The following OR52L1 variants were observed in gnomAD, a reference collection of about 807,000 sequenced individuals.
OR52L1 encodes olfactory receptor 52L1.
In OR52L1, 15 loss-of-function variants were observed where a neutral mutation model predicts 16.1. That is an observed-to-expected ratio of 0.93 (90% CI 0.62 to 1.44). OR52L1 has a LOEUF of 1.44. OR52L1 is among the 40% of genes most tolerant of loss of function. The pLI, the probability that OR52L1 is intolerant of heterozygous loss-of-function variation, is 0.00. For missense variants in OR52L1, 406 were observed against 402.3 expected (o/e 1.01, Z -0.08); for synonymous variants, 166 against 159.2 (o/e 1.04, Z -0.32).
rs1291617854 is a variant in OR52L1, at chr11:5,985,963, C to G, written c.968G>C (p.Arg323Thr). 4 of 1,609,164 alleles carry G rather than the reference C, an allele frequency of 2.5e-6. No individual in the cohort carries two copies. Among genetic ancestry groups the G allele is most frequent in the Non-Finnish European group, 3.4e-6 (4 of 1,177,528 alleles). ...KTQQIRQRVL[R>T]VFTQKD Reference sequence around the variant, plus strand: ...AGATCAATCCTTTTGTGTAAACACTCTGAGCACTCGCTGGCGGATCTGCTG... The same window carrying G: ...AGATCAATCCTTTTGTGTAAACACTGTGAGCACTCGCTGGCGGATCTGCTG... Residue 323 changes from arginine to threonine, a missense_variant, in exon 1 of 1, where the codon AGA becomes ACA. By Grantham distance (71) the Arg-to-Thr change is moderately conservative (BLOSUM62 -1). Transcript: ENST00000332249.
rs753509878 is a variant in OR52L1 at position 5,985,983 on chromosome 11, C to A, written c.948G>T (p.Gln316His). 3 of 1,612,040 alleles carry A rather than the reference C, an allele frequency of 1.9e-6. No homozygotes were observed. Among genetic ancestry groups the A allele is most frequent in the South Asian group, 1.1e-5 (1 of 90,698 alleles). Reference sequence around the variant, plus strand: ...ACACTCTGAGCACTCGCTGGCGGATCTGCTGAGTCTTCACTCCATAGACAA... The same window carrying A: ...ACACTCTGAGCACTCGCTGGCGGATATGCTGAGTCTTCACTCCATAGACAA... ...NPLVYGVKTQ[Q>H]IRQRVLRVFT... Residue 316 changes from glutamine to histidine, a missense_variant, in exon 1 of 1, where the codon CAG (glutamine) becomes CAT (histidine). Coordinates refer to ENST00000332249, the MANE Select transcript of OR52L1 (RefSeq NM_001005173.3).
At position 5,986,298 on chromosome 11, in the gene OR52L1, T is replaced by C. The variant is rs1848115459; in HGVS notation, c.633A>G (p.Thr211=). 1 of 1,613,826 alleles carries C rather than the reference T, an allele frequency of 6.2e-7. No homozygotes were observed. Among genetic ancestry groups the C allele is most frequent in the Admixed American group, 1.7e-5 (1 of 60,000 alleles). ...TAGTCAGCCCATAAGCTCGATTGACTGTGGTTTCTGAGCAGGCAAGTTTCA... is the reference window on the plus strand; with the variant it reads ...TAGTCAGCCCATAAGCTCGATTGACCGTGGTTTCTGAGCAGGCAAGTTTCA... ...AVVKLACSET[T]VNRAYGLTMA... is the part of the protein sequence containing the mutation. The change falls in exon 1 of 1, where the codon ACA becomes ACG. Residue 211 remains threonine, a synonymous_variant. Coordinates refer to ENST00000332249, the MANE Select transcript of OR52L1 (RefSeq NM_001005173.3).
In OR52L1 at chr11:5,986,362, G is replaced by A; in HGVS notation, c.569C>T (p.Thr190Ile). 2 of 1,613,994 alleles carry A rather than the reference G, an allele frequency of 1.2e-6. No individual in the cohort carries two copies. Among genetic ancestry groups the A allele is most frequent in the South Asian group, 1.1e-5 (1 of 91,084 alleles). ...LLGTLIFCQA[T>I]IIGHAYCEHM... ...TTCACAATAGGCATGGCCTATGATGGTGGCTTGGCAGAAGATAAGTGTTCC... is the reference window on the plus strand; with the variant it reads ...TTCACAATAGGCATGGCCTATGATGATGGCTTGGCAGAAGATAAGTGTTCC... Residue 190 changes from threonine (T) to isoleucine (I), a missense_variant, in exon 1 of 1, where the codon ACC (threonine) becomes ATC (isoleucine). Coordinates refer to ENST00000332249, the MANE Select transcript of OR52L1 (RefSeq NM_001005173.3).
In OR52L1 at chr11:5,986,926, G is replaced by T. The variant is rs147074816; in HGVS notation, c.5C>A (p.Thr2Asn). M[T>N]LVSFFSFLSK... Reference sequence around the variant, plus strand: ...GAGGAAAGAGAAAAAAGAAACCAAAGTCATGATTTCTGCATTCCTGCTACA... The same window carrying T: ...GAGGAAAGAGAAAAAAGAAACCAAATTCATGATTTCTGCATTCCTGCTACA... Residue 2 changes from threonine (T) to asparagine (N), a missense_variant, in exon 1 of 1, where the codon ACT becomes AAT. Thr to Asn is a moderately conservative substitution (Grantham distance 65, BLOSUM62 0). Coordinates refer to ENST00000332249, the MANE Select transcript of OR52L1 (RefSeq NM_001005173.3). 5.7e-4 allele frequency: 924 copies of T among 1,611,900 alleles called. 7 individuals carry two copies. The African/African-American group carries it at 0.011, about 18-fold the overall frequency.
chr11:5,986,185 C>T lies in OR52L1; in HGVS notation c.746G>A (p.Ser249Asn), dbSNP rs774070855. The T allele has an allele frequency of 1.2e-6, 2 of 1,613,858 alleles. No individual in the cohort carries two copies. The highest frequency in any genetic ancestry group is 1.7e-5 in the Admixed American group (1 of 60,016). Residue 249 changes from serine (S) to asparagine (N), a missense_variant, in exon 1 of 1, where the codon AGT (serine) becomes AAT (asparagine). Coordinates refer to ENST00000332249, the MANE Select transcript of OR52L1 (RefSeq NM_001005173.3). ...GCTAAACGCCTTAAGTCGGGCCTCACTCCCTGGTACCTTCAGCACTGCCTG... is the reference window on the plus strand; with the variant it reads ...GCTAAACGCCTTAAGTCGGGCCTCATTCCCTGGTACCTTCAGCACTGCCTG... ...ILQAVLKVPGSEARLKAFSTC... is the reference protein window; with the variant it reads ...ILQAVLKVPGNEARLKAFSTC...
chr11:5,986,149 G>C lies in OR52L1; in HGVS notation c.782C>G (p.Ser261Cys). The change falls in exon 1 of 1, where the codon TCT becomes TGT. Residue 261 changes from serine (S) to cysteine (C), a missense_variant. Coordinates refer to ENST00000332249, the MANE Select transcript of OR52L1 (RefSeq NM_001005173.3). ...ARLKAFSTCG[S>C]HICVILVFYV... Reference sequence around the variant, plus strand: ...GAAGACCAGGATGACACAAATATGAGAGCCACATGTGCTAAACGCCTTAAG... The same window carrying C: ...GAAGACCAGGATGACACAAATATGACAGCCACATGTGCTAAACGCCTTAAG... 6.2e-7 allele frequency: 1 copy of C among 1,613,960 alleles called. No homozygotes were observed. Among genetic ancestry groups the C allele is most frequent in the South Asian group, 1.1e-5 (1 of 91,078 alleles).
Position 5,986,648 on chromosome 11 carries a change from T to A in OR52L1, c.283A>T (p.Thr95Ser). The change falls in exon 1 of 1, where the codon ACT (threonine) becomes TCT (serine). Residue 95 changes from threonine (T) to serine (S), a missense_variant. Physicochemically the swap from Thr to Ser is moderately conservative, Grantham distance 58. Coordinates refer to ENST00000332249, the MANE Select transcript of OR52L1 (RefSeq NM_001005173.3). ...AAIDLVLASS[T>S]APKALAVLLV... Reference sequence around the variant, plus strand: ...AGCACTGCAAGGGCTTTGGGTGCAGTGGAGGAGGCCAGAACCAGGTCGATG... The same window carrying A: ...AGCACTGCAAGGGCTTTGGGTGCAGAGGAGGAGGCCAGAACCAGGTCGATG... The A allele has an allele frequency of 6.2e-7, 1 of 1,613,852 alleles. No individual in the cohort carries two copies. The highest frequency in any genetic ancestry group is 8.5e-7 in the Non-Finnish European group (1 of 1,179,850).
In OR52L1 at chr11:5,986,820, A is replaced by G. The variant is rs61738944; in HGVS notation, c.111T>C (p.Gly37=). The part of the protein sequence containing the change: ...QPSFLLVGIP[G]LEESQHWIAL... ...CAATCCAGTGCTGGCTTTCCTCTAAACCTGGAATCCCTACCAGGAGAAAAG... is the reference window on the plus strand; with the variant it reads ...CAATCCAGTGCTGGCTTTCCTCTAAGCCTGGAATCCCTACCAGGAGAAAAG... Residue 37 remains glycine, a synonymous_variant, in exon 1 of 1, where the codon GGT becomes GGC. Coordinates refer to ENST00000332249, the MANE Select transcript of OR52L1 (RefSeq NM_001005173.3). 0.034 allele frequency: 54,150 copies of G among 1,613,950 alleles called. 1,119 individuals are homozygous for G. Among genetic ancestry groups the G allele is most frequent in the Middle Eastern group, 0.051 (310 of 6,062 alleles).
rs768043378 is a variant in OR52L1, at chr11:5,986,479, G to T, written c.452C>A (p.Ser151Tyr). 1.2e-6 allele frequency: 2 copies of T among 1,613,900 alleles called. No individual in the cohort carries two copies. The highest frequency in any genetic ancestry group is 1.1e-5 in the South Asian group (1 of 91,082). The change falls in exon 1 of 1, where the codon TCC (serine) becomes TAC (tyrosine). Residue 151 changes from serine (S) to tyrosine (Y), a missense_variant. Transcript: ENST00000332249. ...YVAICHPLHHSTILHPGVIGR... is the reference protein window; with the variant it reads ...YVAICHPLHHYTILHPGVIGR... Reference sequence around the variant, plus strand: ...TATGACCCCTGGATGCAGGATTGTGGAATGGTGCAAGGGGTGACAAATGGC... The same window carrying T: ...TATGACCCCTGGATGCAGGATTGTGTAATGGTGCAAGGGGTGACAAATGGC...
In OR52L1 at chr11:5,986,956, C is replaced by G; in HGVS notation, c.-26G>C. On this transcript the variant is annotated 5_prime_UTR_variant, in exon 1 of 1. The change abolishes the stop of an existing upstream ORF in the 5' untranslated region. Transcript: ENST00000332249. ...GATTTCTGCATTCCTGCTACATTAT[C>G]ACATTGTCCAAATGGGGCAACCATC... 6.2e-7 allele frequency: 1 copy of G among 1,602,540 alleles called. No individual in the cohort carries two copies. Among genetic ancestry groups the G allele is most frequent in the Non-Finnish European group, 8.5e-7 (1 of 1,175,044 alleles).
Position 5,986,412 on chromosome 11 carries a change from G to A in OR52L1, c.519C>T (p.Leu173=), listed in dbSNP as rs1325409441. The part of the protein sequence containing the change: ...GMVVLVRGLL[L]LIPFPILLGT... ...CCAACAAAATGGGGAAGGGGATAAG[G>A]AGTAGTAATCCCCTCACCAGCACCA... Residue 173 remains leucine, a synonymous_variant, in exon 1 of 1, where the codon CTC becomes CTT. Coordinates refer to ENST00000332249, the MANE Select transcript of OR52L1 (RefSeq NM_001005173.3). 4 of 1,613,556 alleles carry A rather than the reference G, an allele frequency of 2.5e-6. No homozygotes were observed. Among genetic ancestry groups the A allele is most frequent in the Admixed American group, 1.7e-5 (1 of 60,006 alleles).
At position 5,986,391 on chromosome 11, in the gene OR52L1, C is replaced by A; in HGVS notation, c.540G>T (p.Leu180Phe). ...GLLLLIPFPI[L>F]LGTLIFCQAT... ...CTTGGCAGAAGATAAGTGTTCCCAA[C>A]AAAATGGGGAAGGGGATAAGGAGTA... The change falls in exon 1 of 1, where the codon TTG (leucine) becomes TTT (phenylalanine). Residue 180 changes from leucine (L) to phenylalanine (F), a missense_variant. By Grantham distance (22) the Leu-to-Phe change is conservative. Transcript: ENST00000332249. 1 of 1,613,946 alleles carries A rather than the reference C, an allele frequency of 6.2e-7. No individual in the cohort carries two copies. Among genetic ancestry groups the A allele is most frequent in the South Asian group, 1.1e-5 (1 of 91,084 alleles).
chr11:5,986,895 C>T lies in OR52L1; in HGVS notation c.36G>A (p.Lys12=). ...AATTGCTAAGGAGCATTATCAATGGCTTGGAGAGGAAAGAGAAAAAAGAAA... is the reference window on the plus strand; with the variant it reads ...AATTGCTAAGGAGCATTATCAATGGTTTGGAGAGGAAAGAGAAAAAAGAAA... ...TLVSFFSFLS[K]PLIMLLSNSS... is the part of the protein sequence containing the mutation. The change falls in exon 1 of 1, where the codon AAG becomes AAA. Residue 12 remains lysine, a synonymous_variant. Coordinates refer to ENST00000332249, the MANE Select transcript of OR52L1 (RefSeq NM_001005173.3). 6.2e-7 allele frequency: 1 copy of T among 1,613,536 alleles called. No individual in the cohort carries two copies. Among genetic ancestry groups the T allele is most frequent in the Non-Finnish European group, 8.5e-7 (1 of 1,179,608 alleles).
At position 5,986,625 on chromosome 11, in the gene OR52L1, C is replaced by T; in HGVS notation, c.306G>A (p.Val102=). Reference sequence around the variant, plus strand: ...CAATCTCGTGGGCATGAACCAGGAGCACTGCAAGGGCTTTGGGTGCAGTGG... The same window carrying T: ...CAATCTCGTGGGCATGAACCAGGAGTACTGCAAGGGCTTTGGGTGCAGTGG... ...ASSTAPKALA[V]LLVHAHEIGY... The change falls in exon 1 of 1, where the codon GTG becomes GTA. Residue 102 remains valine, a synonymous_variant. Coordinates refer to ENST00000332249, the MANE Select transcript of OR52L1 (RefSeq NM_001005173.3). 1 of 1,613,836 alleles carries T rather than the reference C, an allele frequency of 6.2e-7. No homozygotes were observed. The highest frequency in any genetic ancestry group is 1.7e-5 in the Admixed American group (1 of 59,998).
At position 5,986,612 on chromosome 11, in the gene OR52L1, C is replaced by A. The variant is rs777177924; in HGVS notation, c.319G>T (p.Ala107Ser). 6.2e-7 allele frequency: 1 copy of A among 1,613,902 alleles called. No individual in the cohort carries two copies. The highest frequency in any genetic ancestry group is 1.1e-5 in the South Asian group (1 of 91,062). ...CAGACGATGTACCCAATCTCGTGGGCATGAACCAGGAGCACTGCAAGGGCT... is the reference window on the plus strand; with the variant it reads ...CAGACGATGTACCCAATCTCGTGGGAATGAACCAGGAGCACTGCAAGGGCT... ...PKALAVLLVH[A>S]HEIGYIVCLI... The change falls in exon 1 of 1, where the codon GCC becomes TCC. Residue 107 changes from alanine (A) to serine (S), a missense_variant. Coordinates refer to ENST00000332249, the MANE Select transcript of OR52L1 (RefSeq NM_001005173.3).
At position 5,985,914 on chromosome 11, in the gene OR52L1, G is replaced by A. The variant is rs112071357; in HGVS notation, c.*27C>T. On this transcript the variant is annotated 3_prime_UTR_variant, in exon 1 of 1. Transcript: ENST00000332249. ...GCTGTGGTCCGCAGAAGAAGCCTCCGAAGGAAACAATGAGAATATGTTCAG... is the reference window on the plus strand; with the variant it reads ...GCTGTGGTCCGCAGAAGAAGCCTCCAAAGGAAACAATGAGAATATGTTCAG... 62,622 of 1,562,110 alleles carry A rather than the reference G, an allele frequency of 0.04. 1,399 individuals carry two copies. The highest frequency in any genetic ancestry group is 0.046 in the Non-Finnish European group (53,055 of 1,153,158).
chr11:5,985,929 A>C lies in OR52L1; in HGVS notation c.*12T>G, dbSNP rs778903508. ...AGAAGCCTCCGAAGGAAACAATGAG[A>C]ATATGTTCAGATCAATCCTTTTGTG... On this transcript the variant is annotated 3_prime_UTR_variant, in exon 1 of 1. Transcript: ENST00000332249. 4.4e-6 allele frequency: 7 copies of C among 1,591,178 alleles called. No homozygotes were observed. Among genetic ancestry groups the C allele is most frequent in the Non-Finnish European group, 6.0e-6 (7 of 1,168,306 alleles).
rs751539826 is a variant in OR52L1 at position 5,986,888 on chromosome 11, T to C, written c.43A>G (p.Ile15Val). 2 of 1,613,784 alleles carry C rather than the reference T, an allele frequency of 1.2e-6. No homozygotes were observed. The highest frequency in any genetic ancestry group is 1.7e-6 in the Non-Finnish European group (2 of 1,179,712). The change falls in exon 1 of 1, where the codon ATA becomes GTA. Residue 15 changes from isoleucine to valine, a missense_variant. By Grantham distance (29) the Ile-to-Val change is conservative. Transcript: ENST00000332249. ...CAGCTTGAATTGCTAAGGAGCATTA[T>C]CAATGGCTTGGAGAGGAAAGAGAAA... ...SFFSFLSKPL[I>V]MLLSNSSWRL... is the part of the protein sequence containing the mutation.
Position 5,986,512 on chromosome 11 carries a change from C to G in OR52L1, c.419G>C (p.Arg140Pro), listed in dbSNP as rs572706450. 2 of 1,613,770 alleles carry G rather than the reference C, an allele frequency of 1.2e-6. No individual in the cohort carries two copies. Among genetic ancestry groups the G allele is most frequent in the African/African-American group, 2.7e-5 (2 of 74,992 alleles). Residue 140 changes from arginine to proline, a missense_variant, in exon 1 of 1, where the codon CGC becomes CCC. Arg to Pro is a moderately radical substitution (Grantham distance 103). Transcript: ENST00000332249. Reference protein sequence around the residue: ...SGVLVAMALDRYVAICHPLHH... With the variant: ...SGVLVAMALDPYVAICHPLHH... The stretch of plus-strand genomic sequence containing the variant: ...CAAGGGGTGACAAATGGCTACATAG[C>G]GATCCAGAGCCATGGCCACAAGTAC...
Sources: gnomAD v4.1 joint callset for allele counts on GRCh38, gnomAD v4.1.1 for gene constraint, MANE v1.5 for transcripts, NCBI Gene and HGNC (gene_info 2026-07-23, HGNC 2026-07-21) for gene names.